TP63: variants seen among roughly 807,000 people sequenced by gnomAD.
TP63 encodes the protein tumor protein 63.
A neutral mutation model predicts 82.8 loss-of-function variants in TP63; 17 were observed. The observed-to-expected ratio is 0.21, with a 90% CI of 0.14 to 0.31. The LOEUF (loss-of-function observed/expected upper bound fraction) is 0.31, where lower values mean the gene tolerates loss of function less well. Among genes scored for constraint, TP63 ranks in the 10% least tolerant of loss-of-function variants. The probability of loss-of-function intolerance (pLI) is 1.00; values close to 1 mark genes in which losing one functional copy is unlikely to be tolerated. For synonymous variants in TP63, 330 were observed against 321.7 expected (o/e 1.03, Z -0.28); for missense variants, 648 against 895.3 (o/e 0.72, Z 3.52).
intron 4 of TP63, among the ~76,000 whole-genome samples, chr3:189,841,565 C>T (rs961583589): frequency 6.6e-6 from 1 of 152,154 alleles, no homozygotes; most frequent in Non-Finnish European, 1.5e-5. Flanking sequence ...ACAAATGAAA[C>T]TCCAAAACAA....
chr3:189,677,569 C>G (rs945729783), intron 1 of TP63, among the ~76,000 whole-genome samples: 2 of 151,538 alleles, frequency 1.3e-5, no homozygotes, highest in African/African-American at 4.8e-5. Flanking sequence ...CAAATGCAGG[C>G]ATCTTTTTGG....
intron 1 of TP63, among the ~76,000 whole-genome samples, chr3:189,682,209 T>C (rs1416939396): frequency 6.6e-6 from 1 of 151,944 alleles, no homozygotes; most frequent in Non-Finnish European, 1.5e-5. Context: ...AGACCTCAAA[T>C]AAAAATTAAT....
At chr3:189,858,750 G>T (rs947967975) in intron 4 of TP63, among the ~76,000 whole-genome samples, 4 of 152,166 alleles carry the variant, frequency 2.6e-5, no homozygotes, top group Admixed American at 6.5e-5. Flanking sequence ...CTGTACTGCA[G>T]CCTGAGTGAC....
chr3:189,721,823 T>G (rs1719417315), intron 1 of TP63, among the ~76,000 whole-genome samples: 2 of 152,198 alleles, frequency 1.3e-5, no homozygotes, highest in Non-Finnish European at 2.9e-5. Flanking sequence ...ATTTCTAGAC[T>G]TTTAAGTAAT....
chr3:189,635,481 A>G (rs1729718332), intron 1 of TP63, among the ~76,000 whole-genome samples: 1 of 152,038 alleles, frequency 6.6e-6, no homozygotes, highest in African/African-American at 2.4e-5. Context: ...TTGCTTTAAC[A>G]GGTCTTTTCT....
At chr3:189,800,141 T>C (rs1283667629) in intron 3 of TP63, among the ~76,000 whole-genome samples, 1 of 152,092 alleles carries the variant, frequency 6.6e-6, no homozygotes, top group Non-Finnish European at 1.5e-5. Flanking sequence ...TTCTGGGAGA[T>C]GACATCTGAG....
rs145634294 is a variant in TP63, at chr3:189,829,369, T to G, written c.579+20843T>G. ...CTAAATATGAGTTTTAAGCATTTAT[T>G]CTGAAAACTAGACCCATGTAAACAA... On this transcript the variant is annotated intron_variant, in intron 4 of 13. Coordinates refer to ENST00000264731, the MANE Select transcript of TP63 (RefSeq NM_003722.5). Among the ~76,000 whole-genome samples the G allele has an allele frequency of 3.9e-5, 6 of 152,374 alleles. No individual in the cohort carries two copies. In the East Asian group the frequency reaches 1.2e-3, roughly 29 times the overall value.
intron 3 of TP63, among the ~76,000 whole-genome samples, chr3:189,803,711 T>C (rs1035856238): frequency 6.6e-6 from 1 of 152,230 alleles, no homozygotes; most frequent in Non-Finnish European, 1.5e-5. Flanking sequence ...AACCTGAATA[T>C]ATCACAACTA....
At chr3:189,778,781 C>G (rs529629054) in intron 3 of TP63, among the ~76,000 whole-genome samples, 1 of 152,242 alleles carries the variant, frequency 6.6e-6, no homozygotes, top group Admixed American at 6.5e-5. Flanking sequence ...ATCAACTCGG[C>G]CCTTTAACTT....
At chr3:189,786,526 G>A (rs1330599303) in intron 3 of TP63, among the ~76,000 whole-genome samples, 2 of 150,348 alleles carry the variant, frequency 1.3e-5, no homozygotes, top group East Asian at 1.9e-4. Flanking sequence ...GGAAAATATA[G>A]CACTTATAAT....
intron 1 of TP63, among the ~76,000 whole-genome samples, chr3:189,660,765 G>A (rs1243780893): frequency 6.6e-6 from 1 of 151,824 alleles, no homozygotes; most frequent in African/African-American, 2.4e-5. Flanking sequence ...AGTTCTCCTT[G>A]TAGAGATCTT....
chr3:189,672,432 CT>C (rs1714969037), intron 1 of TP63, among the ~76,000 whole-genome samples: 2 of 151,988 alleles, frequency 1.3e-5, no homozygotes, highest in South Asian at 4.2e-4. Flanking sequence ...GAGACTTTGT[CT>C]CTACAAAAGA....
intron 3 of TP63, among the ~76,000 whole-genome samples, chr3:189,765,261 T>C (rs1458115570): frequency 6.6e-6 from 1 of 151,800 alleles, no homozygotes; most frequent in East Asian, 1.9e-4. Flanking sequence ...AAAAAATCAG[T>C]TTTGTGACTA....
intron 1 of TP63, among the ~76,000 whole-genome samples, chr3:189,729,599 C>T (rs1720013616): frequency 6.6e-6 from 1 of 152,062 alleles, no homozygotes; most frequent in African/African-American, 2.4e-5. Context: ...TTAAGGCATA[C>T]ACAATGCTCT....
chr3:189,702,619 G>C (rs1278671134), intron 1 of TP63, among the ~76,000 whole-genome samples: 2 of 152,340 alleles, frequency 1.3e-5, no homozygotes, highest in East Asian at 3.9e-4. Flanking sequence ...CCACAGGAAA[G>C]AGCCAGAGGG....
At chr3:189,743,129 T>G (rs1721122581) in intron 3 of TP63, among the ~76,000 whole-genome samples, 1 of 152,066 alleles carries the variant, frequency 6.6e-6, no homozygotes. Context: ...TATTCAAAAT[T>G]TAATAAGAGA....
In TP63 at chr3:189,887,491, G is replaced by T. The variant is rs147584832; in HGVS notation, c.1507+940G>T. Among the ~76,000 whole-genome samples the T allele has an allele frequency of 3.1e-3, 466 of 152,106 alleles. 2 individuals carry two copies. The highest frequency in any genetic ancestry group is 0.011 in the African/African-American group (455 of 41,504). ...TATCAGCTAAGTACAAATGAAAAAG[G>T]CACTGTAAGAATTGGGCCTCCAAGT... is the stretch of plus-strand genomic sequence containing the variant. On this transcript the variant is annotated intron_variant, in intron 11 of 13. Transcript: ENST00000264731.
chr3:189,630,254 A>G (rs1334233624), upstream of TP63, among the ~76,000 whole-genome samples: 4 of 152,134 alleles, frequency 2.6e-5, no homozygotes, highest in Admixed American at 6.6e-5. Flanking sequence ...TGAAGGGAAG[A>G]TGTGAACTCA....
Position 189,785,986 on chromosome 3 carries a change from T to C in TP63, c.325-22286T>C, listed in dbSNP as rs564529514. ...CTGTATTCATGGACTCAAACAACCA[T>C]GGATCATAAATATTCAGGGAAAAAA... On this transcript the variant is annotated intron_variant, in intron 3 of 13. Coordinates refer to ENST00000264731, the MANE Select transcript of TP63 (RefSeq NM_003722.5). 3.3e-5 allele frequency among the ~76,000 whole-genome samples: 5 copies of C among 151,878 alleles called. No homozygotes were observed. In the East Asian group the frequency reaches 9.7e-4, roughly 30 times the overall value.
Sources: gnomAD v4.1 joint callset for allele counts (sites outside exome capture counted in the v4.1 genomes callset) on GRCh38, gnomAD v4.1.1 for gene constraint, MANE v1.5 for transcripts, NCBI Gene and HGNC (gene_info 2026-07-23, HGNC 2026-07-21) for gene names.